DNAL4: variants seen among roughly 807,000 people sequenced by gnomAD.
DNAL4 encodes dynein light chain, outer arm 4.
In DNAL4, 10 loss-of-function variants were observed where a neutral mutation model predicts 12.6. That is an observed-to-expected ratio of 0.79 (90% confidence interval 0.49 to 1.34). The LOEUF is 1.34. Among genes scored for constraint, DNAL4 ranks in the 40% most tolerant of loss-of-function variants. The pLI, the probability that DNAL4 is intolerant of heterozygous loss-of-function variation, is 0.00. For synonymous variants in DNAL4, 46 were observed against 53.1 expected, an observed-to-expected ratio of 0.87 and a Z score of 0.58; for missense variants, 128 against 138.1, an observed-to-expected ratio of 0.93 and a Z score of 0.37.
chr22:38,783,188 G>A (rs2093036894), intron 1 of DNAL4, among the ~76,000 whole-genome samples: 1 of 151,812 alleles, frequency 6.6e-6, no homozygotes, highest in South Asian at 2.1e-4. Flanking sequence ...CTACATACAC[G>A]GTCCTTCCCT....
chr22:38,786,257 C>A (rs894005663), intron 1 of DNAL4, among the ~76,000 whole-genome samples: 1 of 152,174 alleles, frequency 6.6e-6, no homozygotes, highest in Non-Finnish European at 1.5e-5. Flanking sequence ...TCTAAAAGAG[C>A]CTTTTAATAA....
chr22:38,790,479 G>A (rs2093048906), intron 1 of DNAL4, among the ~76,000 whole-genome samples: 1 of 152,194 alleles, frequency 6.6e-6, no homozygotes, highest in South Asian at 2.1e-4. Context: ...GGGAAACCAG[G>A]TGGCACAGCT....
intron 1 of DNAL4, among the ~76,000 whole-genome samples, chr22:38,783,955 T>C (rs2093038339): frequency 7.1e-6 from 1 of 141,742 alleles, no homozygotes; most frequent in Non-Finnish European, 1.5e-5. Flanking sequence ...ATTTATCTCA[T>C]AATTCAAAGT....
chr22:38,779,571 C>T lies in DNAL4; in HGVS notation c.196G>A (p.Gly66Ser), dbSNP rs754739094. 1.6e-5 allele frequency: 26 copies of T among 1,596,290 alleles called. No homozygotes were observed. Among genetic ancestry groups the T allele is most frequent in the Non-Finnish European group, 2.1e-5 (25 of 1,170,588 alleles). The change falls in exon 4 of 4, where the codon GGC becomes AGC. Residue 66 changes from glycine to serine, a missense_variant. Gly to Ser is a moderately conservative substitution (Grantham distance 56). Coordinates refer to ENST00000216068, the MANE Select transcript of DNAL4 (RefSeq NM_005740.3). This position sits in a 1 kb window ranked among gnomAD's most constrained non-coding sequence, Gnocchi z 4.3. ...MIKETMDKKF[G>S]SSWHVVIGEG... ...CCGATCACCACGTGCCAGGAGGAGCCGAACTTCTTGTCCATTGTCTCTTTG... is the reference window on the plus strand; with the variant it reads ...CCGATCACCACGTGCCAGGAGGAGCTGAACTTCTTGTCCATTGTCTCTTTG...
In DNAL4 at chr22:38,787,311, G is replaced by A. The variant is rs575689243; in HGVS notation, c.-139-4441C>T. Among the ~76,000 whole-genome samples the A allele has an allele frequency of 6.6e-5, 10 of 150,614 alleles. No individual in the cohort carries two copies. The East Asian group carries it at 9.7e-4, about 15-fold the overall frequency. The stretch of plus-strand genomic sequence containing the variant: ...GGCTGGAGTGTAGTGACGCGATCTC[G>A]GCTCACTGCAACCTCCGCCTCCCGG... On this transcript the variant is annotated intron_variant, in intron 1 of 3. Transcript: ENST00000216068.
chr22:38,793,829 G>A (rs1375093777), intron 1 of DNAL4, among the ~76,000 whole-genome samples: 1 of 152,054 alleles, frequency 6.6e-6, no homozygotes, highest in Non-Finnish European at 1.5e-5. Context: ...TTGGGTGGGT[G>A]GGGAAGAGCA....
At chr22:38,780,669 T>C in intron 3 of DNAL4, 1 of 486,636 alleles carries the variant, frequency 2.1e-6, no homozygotes, top group Non-Finnish European at 3.7e-6. Flanking sequence ...GCAGCCCACC[T>C]GAGGCAGGGA....
At chr22:38,792,939 A>C (rs1219394170) in intron 1 of DNAL4, among the ~76,000 whole-genome samples, 1 of 152,220 alleles carries the variant, frequency 6.6e-6, no homozygotes, top group Non-Finnish European at 1.5e-5. Flanking sequence ...TGTCCTGTAC[A>C]CAATTGTATG....
At chr22:38,792,084 CTT>C (rs1298096932) in intron 1 of DNAL4, among the ~76,000 whole-genome samples, 1 of 152,042 alleles carries the variant, frequency 6.6e-6, no homozygotes, top group Non-Finnish European at 1.5e-5. Context: ...AAATATTTTT[CTT>C]TCTTCCATAA....
At chr22:38,788,873 G>A (rs563250915) in intron 1 of DNAL4, among the ~76,000 whole-genome samples, 45 of 152,186 alleles carry the variant, frequency 3.0e-4, no homozygotes, top group Non-Finnish European at 5.6e-4. Flanking sequence ...AACCGATCAC[G>A]ACTTAACTGT....
In DNAL4 at chr22:38,779,675, T is replaced by C; in HGVS notation, c.154-62A>G. Reference sequence around the variant, plus strand: ...GCAGGTGGGGGCAGGAGTCAGGTCCTTCTCCAGGAAGGAGAAGGCTGGCAC... The same window carrying C: ...GCAGGTGGGGGCAGGAGTCAGGTCCCTCTCCAGGAAGGAGAAGGCTGGCAC... On this transcript the variant is annotated intron_variant, in intron 3 of 3. Transcript: ENST00000216068. The surrounding 1 kb of genome is among the most constrained non-coding windows in gnomAD (Gnocchi z 4.3). 2 of 1,528,576 alleles carry C rather than the reference T, an allele frequency of 1.3e-6. No homozygotes were observed. Among genetic ancestry groups the C allele is most frequent in the Non-Finnish European group, 1.8e-6 (2 of 1,131,064 alleles). 94.7% of individuals were successfully genotyped at this position (1,528,576 alleles called of 1,614,324 possible).
intron 2 of DNAL4, among the ~76,000 whole-genome samples, chr22:38,781,907 T>C (rs1603239230): frequency 6.6e-6 from 1 of 152,234 alleles, no homozygotes; most frequent in Non-Finnish European, 1.5e-5. Context: ...GCCTCCTCGC[T>C]GGTCTCCCCA....
Position 38,782,627 on chromosome 22 carries a change from C to T in DNAL4, c.69+36G>A. ...CACCTCTCTCCAGGCTGTGTGGGCCCTGCCGGCAGTCCTGCCTCCCTCCCC... is the reference window on the plus strand; with the variant it reads ...CACCTCTCTCCAGGCTGTGTGGGCCTTGCCGGCAGTCCTGCCTCCCTCCCC... On this transcript the variant is annotated intron_variant, in intron 2 of 3. Coordinates refer to ENST00000216068, the MANE Select transcript of DNAL4 (RefSeq NM_005740.3). The surrounding 1 kb of genome is among the most constrained non-coding windows in gnomAD (Gnocchi z 5.1). The T allele has an allele frequency of 6.2e-7, 1 of 1,609,664 alleles. No homozygotes were observed.
rs1440852873 is a variant in DNAL4 at position 38,782,464 on chromosome 22, G to C, written c.69+199C>G. Reference sequence around the variant, plus strand: ...TGCCTAGAACAGTGCCCGGCATAGAGTAGGTGGCCCAATACTTGGTGAATG... The same window carrying C: ...TGCCTAGAACAGTGCCCGGCATAGACTAGGTGGCCCAATACTTGGTGAATG... On this transcript the variant is annotated intron_variant, in intron 2 of 3. Transcript: ENST00000216068. This position sits in a 1 kb window ranked among gnomAD's most constrained non-coding sequence, Gnocchi z 5.1. 3.3e-5 allele frequency among the ~76,000 whole-genome samples: 5 copies of C among 152,230 alleles called. No individual in the cohort carries two copies. The highest frequency in any genetic ancestry group is 3.3e-4 in the Admixed American group (5 of 15,292).
At position 38,781,161 on chromosome 22, in the gene DNAL4, C is replaced by T. The variant is rs547940986; in HGVS notation, c.70-152G>A. 239 of 769,366 alleles carry T rather than the reference C, an allele frequency of 3.1e-4. No individual in the cohort carries two copies. The African/African-American group carries it at 3.6e-3, about 12-fold the overall frequency. 47.7% of individuals were successfully genotyped at this position (769,366 alleles called of 1,614,324 possible). On this transcript the variant is annotated intron_variant, in intron 2 of 3. Transcript: ENST00000216068. ...AGGTGACCCATCTCCTGACTGAGGG[C>T]CTGCAGCTGGGGCAAAGGCATGGCA... is the stretch of plus-strand genomic sequence containing the variant.
At chr22:38,792,797 T>C (rs1432692758) in intron 1 of DNAL4, among the ~76,000 whole-genome samples, 2 of 152,170 alleles carry the variant, frequency 1.3e-5, no homozygotes, top group African/African-American at 4.8e-5. Flanking sequence ...GAAGGACCTA[T>C]CTAAGACTGT....
chr22:38,793,629 C>T (rs544109981), intron 1 of DNAL4, among the ~76,000 whole-genome samples: 1 of 152,248 alleles, frequency 6.6e-6, no homozygotes, highest in South Asian at 2.1e-4. Flanking sequence ...GATGGGGAAA[C>T]TGAGGCCCAA....
chr22:38,793,801 C>A (rs1217188708), intron 1 of DNAL4, among the ~76,000 whole-genome samples: 1 of 151,532 alleles, frequency 6.6e-6, no homozygotes, highest in Non-Finnish European at 1.5e-5. Flanking sequence ...GACGCGGGAC[C>A]ACGAAGCTGG....
intron 1 of DNAL4, among the ~76,000 whole-genome samples, chr22:38,789,740 G>A (rs771006368): frequency 2.9e-4 from 44 of 152,210 alleles, no homozygotes; most frequent in Non-Finnish European, 5.3e-4. Context: ...TTGCAGTGGT[G>A]AGGAGGGTGA....
Sources: allele counts gnomAD v4.1 joint callset (sites outside exome capture counted in the v4.1 genomes callset), GRCh38; gene constraint gnomAD v4.1.1; non-coding constraint Gnocchi (gnomAD v3.1); transcripts MANE v1.5; gene names NCBI Gene and HGNC (gene_info 2026-07-23, HGNC 2026-07-21).